STK38: variants seen among roughly 807,000 people sequenced by gnomAD.
The protein encoded by STK38 is serine/threonine kinase 38.
STK38 carries 26 observed loss-of-function variants against 59.0 expected under a neutral mutation model. The ratio of observed to expected loss-of-function variants is 0.44; its 90% confidence interval spans 0.32 to 0.61. STK38 has a LOEUF of 0.61. Ranked by LOEUF, STK38 falls within the 20% of genes least tolerant of loss-of-function variation. The pLI, the probability that STK38 is intolerant of heterozygous loss-of-function variation, is 0.04. For missense variants in STK38, 433 were observed against 566.0 expected (o/e 0.76, Z 2.38); for synonymous variants, 175 against 176.6 (o/e 0.99, Z 0.07).
At chr6:36,517,569 T>C (rs1405718247) in intron 6 of STK38, 148 bp downstream of exon 6, 9 of 947,092 alleles carry the variant, frequency 9.5e-6, no homozygotes, top group South Asian at 2.0e-5. Context: ...ACAAGACAGG[T>C]TACTGACTTC....
intron 2 of STK38, among the ~76,000 whole-genome samples, chr6:36,537,143 A>G (rs1777812286): frequency 6.6e-6 from 1 of 152,194 alleles, no homozygotes; most frequent in African/African-American, 2.4e-5. Context: ...AGGAAGATGC[A>G]CAAATGGCCA....
At chr6:36,517,973 T>C in intron 5 of STK38, 133 bp from the exon 6 acceptor site, 1 of 1,246,370 alleles carries the variant, frequency 8.0e-7, no homozygotes, top group Non-Finnish European at 1.1e-6. Context: ...AAAGATCCAA[T>C]TTCTGCTTAG....
chr6:36,524,403 T>C lies in STK38; in HGVS notation c.244A>G (p.Thr82Ala). ...KETEFLRLKR[T>A]RLGLEDFESL... ...TCAAAATCTTCCAATCCAAGTCTTGTTCTCTTCAAACGAAGAAACTCTGTT... is the reference window on the plus strand; with the variant it reads ...TCAAAATCTTCCAATCCAAGTCTTGCTCTCTTCAAACGAAGAAACTCTGTT... The change falls in exon 4 of 14, where the codon ACA (threonine) becomes GCA (alanine). Residue 82 changes from threonine (T) to alanine (A), a missense_variant. Thr to Ala is a moderately conservative substitution (Grantham distance 58). Transcript: ENST00000229812. The C allele has an allele frequency of 6.2e-7, 1 of 1,613,748 alleles. No individual in the cohort carries two copies.
Position 36,518,714 on chromosome 6 carries a change from T to G in STK38, c.391-874A>C, listed in dbSNP as rs145972917. ...CTAGGATTATAGGTGTGTGCCACCA[T>G]GCCTGGCCCCTCCCCTCTTTTTTAA... On this transcript the variant is annotated intron_variant, in intron 5 of 13. Transcript: ENST00000229812. Among the ~76,000 whole-genome samples, 523 of 152,292 alleles carry G rather than the reference T, an allele frequency of 3.4e-3. 1 individual carries two copies. The highest frequency in any genetic ancestry group is 0.012 in the African/African-American group (497 of 41,556).
At chr6:36,527,191 C>CAAA (rs777770396) in intron 2 of STK38, among the ~76,000 whole-genome samples, 1,228 of 45,926 alleles carry the variant, frequency 0.027, 47 homozygotes, top group East Asian at 0.2. Context: ...GACTCCGTCT[C>CAAA]AAAAAAAAAA....
At chr6:36,505,383 G>A (rs550665193) in intron 9 of STK38, among the ~76,000 whole-genome samples, 1 of 152,312 alleles carries the variant, frequency 6.6e-6, no homozygotes, top group South Asian at 2.1e-4. Flanking sequence ...GTAACTAACT[G>A]TACTAAACTG....
At chr6:36,522,833 G>C (rs1777410950) in intron 4 of STK38, among the ~76,000 whole-genome samples, 1 of 109,322 alleles carries the variant, frequency 9.1e-6, no homozygotes, top group Non-Finnish European at 1.7e-5. Context: ...TCCAGCCTGG[G>C]CAACAGAGCA....
At chr6:36,500,322 T>TAA (rs1776806081) in intron 9 of STK38, among the ~76,000 whole-genome samples, 1 of 151,928 alleles carries the variant, frequency 6.6e-6, no homozygotes, top group African/African-American at 2.4e-5. Context: ...TATATATATA[T>TAA]AACTTCATAT....
In STK38 at chr6:36,517,785, A is replaced by G; in HGVS notation, c.446T>C (p.Val149Ala). The G allele has an allele frequency of 6.2e-7, 1 of 1,614,158 alleles. No homozygotes were observed. The change falls in exon 6 of 14, where the codon GTT becomes GCT. Residue 149 changes from valine (V) to alanine (A), a missense_variant. Around this residue, in one of 3 missense-constraint regions of STK38, gnomAD observed 293 missense variants for 388.2 expected, o/e 0.75. Coordinates refer to ENST00000229812, the MANE Select transcript of STK38 (RefSeq NM_007271.4). ...DILVEADSLW[V>A]VKMFYSFQDK... is the part of the protein sequence containing the mutation. ...CTGAAAACTATAGAACATTTTCACA[A>G]CCCACAAACTGTCTGCCTCCACTAG...
Position 36,498,528 on chromosome 6 carries a change from C to T in STK38, c.953-42G>A, listed in dbSNP as rs765795444. On this transcript the variant is annotated intron_variant, in intron 10 of 13. Transcript: ENST00000229812. ...ACTTCGGAGCTTTTACACTCCAGAA[C>T]TTTGAATCTGACCGAGATTACTCTC... The T allele has an allele frequency of 4.4e-6, 7 of 1,577,922 alleles. No individual in the cohort carries two copies. The South Asian group carries it at 5.9e-5, about 13-fold the overall frequency.
intron 1 of STK38, among the ~76,000 whole-genome samples, chr6:36,545,767 C>T (rs1778041341): frequency 6.6e-6 from 1 of 152,170 alleles, no homozygotes. Flanking sequence ...TTTCATTCTT[C>T]AACTCTGAAG....
At chr6:36,531,623 A>G (rs1159908753) in intron 2 of STK38, among the ~76,000 whole-genome samples, 4 of 152,208 alleles carry the variant, frequency 2.6e-5, no homozygotes, top group African/African-American at 9.6e-5. Context: ...CACTTGCCCT[A>G]TTGAGTGCTT....
chr6:36,540,350 G>A, intron 1 of STK38, 143 bp from the exon 2 acceptor site: 1 of 771,186 alleles, frequency 1.3e-6, no homozygotes, highest in Non-Finnish European at 2.1e-6. Flanking sequence ...GCCAGAGAAA[G>A]AGAATACTTA....
In STK38 at chr6:36,527,205, A is replaced by ATATAT. The variant is rs1401899969; in HGVS notation, c.132-1564_132-1563insATATA. 3.1e-3 allele frequency among the ~76,000 whole-genome samples: 355 copies of ATATAT among 112,720 alleles called. 3 individuals carry two copies. The highest frequency in any genetic ancestry group is 7.6e-3 in the African/African-American group (205 of 27,016). 73.9% of individuals were successfully genotyped at this position (112,720 alleles called of 152,430 possible). On this transcript the variant is annotated intron_variant, in intron 2 of 13. Coordinates refer to ENST00000229812, the MANE Select transcript of STK38 (RefSeq NM_007271.4). ...AGACTCCGTCTCAAAAAAAAAAAAAAAAATATATGTATATATATATATATT... is the reference window on the plus strand; with the variant it reads ...AGACTCCGTCTCAAAAAAAAAAAAAATATATAAATATATGTATATATATATATATT...
chr6:36,517,774 A>G lies in STK38; in HGVS notation c.457T>C (p.Phe153Leu). The change falls in exon 6 of 14, where the codon TTC becomes CTC. Residue 153 changes from phenylalanine (F) to leucine (L), a missense_variant. Physicochemically the swap from Phe to Leu is conservative, Grantham distance 22. Coordinates refer to ENST00000229812, the MANE Select transcript of STK38 (RefSeq NM_007271.4). ...TTTAGCTTATCCTGAAAACTATAGA[A>G]CATTTTCACAACCCACAAACTGTCT... ...EADSLWVVKM[F>L]YSFQDKLNLY... The G allele has an allele frequency of 6.2e-7, 1 of 1,614,162 alleles. No homozygotes were observed.
intron 7 of STK38, among the ~76,000 whole-genome samples, chr6:36,513,997 T>C (rs555672335): frequency 3.4e-5 from 5 of 147,858 alleles, no homozygotes; most frequent in African/African-American, 7.5e-5. Context: ...CTACTAAAAA[T>C]ACAAAAAATT....
chr6:36,508,270 G>A (rs588496), intron 7 of STK38, among the ~76,000 whole-genome samples: 149,744 of 152,232 alleles, frequency 0.98, 73,651 homozygotes, highest in East Asian at 1. Flanking sequence ...ATAATATTCA[G>A]TTTACTTGGG....
chr6:36,515,518 CCACA>C (rs66494457), intron 6 of STK38, 26 bp from the exon 7 acceptor site: 173,158 of 1,508,240 alleles, frequency 0.11, 2,045 homozygotes, highest in East Asian at 0.32. Flanking sequence ...TACAAAGCCA[CCACA>C]CACACACACA....
At chr6:36,539,550 T>A (rs1391499525) in intron 2 of STK38, among the ~76,000 whole-genome samples, 1 of 152,022 alleles carries the variant, frequency 6.6e-6, no homozygotes, top group African/African-American at 2.4e-5. Context: ...CCCAACACAA[T>A]CCTGCAAGGC....
Sources: gnomAD v4.1 joint callset for allele counts (sites outside exome capture counted in the v4.1 genomes callset) on GRCh38, gnomAD v4.1.1 for gene constraint, gnomAD v4.1.1 regional missense constraint, MANE v1.5 for transcripts, NCBI Gene and HGNC (gene_info 2026-07-23, HGNC 2026-07-21) for gene names.